The following MAGI3 variants were observed in gnomAD, a reference collection of about 807,000 sequenced individuals.
MAGI3 encodes membrane-associated guanylate kinase, WW and PDZ domain-containing protein 3.
Under a neutral mutation model 121.8 loss-of-function variants are expected in MAGI3, and 43 were observed. The ratio of observed to expected loss-of-function variants is 0.35; its 90% CI spans 0.28 to 0.46. The LOEUF (loss-of-function observed/expected upper bound fraction) is 0.46, where lower values mean the gene tolerates loss of function less well. MAGI3 is among the 20% of genes least tolerant of loss of function. The probability of loss-of-function intolerance (pLI) is 1.00; values close to 1 mark genes in which losing one functional copy is unlikely to be tolerated. For synonymous variants in MAGI3, 553 were observed against 639.3 expected (o/e 0.86, Z 2.04); for missense variants, 1,547 against 1,797.3 (o/e 0.86, Z 2.52).
At chr1:113,420,401 C>G (rs946737021) in intron 1 of MAGI3, among the ~76,000 whole-genome samples, 1 of 152,148 alleles carries the variant, frequency 6.6e-6, no homozygotes, top group African/African-American at 2.4e-5. Flanking sequence ...AAACATAAGG[C>G]CTAAAAGAAA....
intron 2 of MAGI3, among the ~76,000 whole-genome samples, chr1:113,561,572 G>A (rs1175152925): frequency 6.6e-6 from 1 of 151,974 alleles, no homozygotes; most frequent in African/African-American, 2.4e-5. Context: ...AACCCTTCAG[G>A]TTAAAAATTC....
At position 113,391,346 on chromosome 1, in the gene MAGI3, C is replaced by A. The variant is rs1650801335; in HGVS notation, c.313C>A (p.Pro105Thr). The change falls in exon 1 of 21, where the codon CCA (proline) becomes ACA (threonine). Residue 105 changes from proline (P) to threonine (T), a missense_variant. Coordinates refer to ENST00000307546, the MANE Select transcript of MAGI3 (RefSeq NM_001142782.2). This position sits in a 1 kb window ranked among gnomAD's most constrained non-coding sequence, Gnocchi z 4.4. The stretch of plus-strand genomic sequence containing the variant: ...GCCCATCCGTCTCAAGACTGTGAAA[C>A]CAGGTACGCCGGCCCTGCGTATCTG... ...REPIRLKTVK[P>T]GKVINKDLRH... The A allele has an allele frequency of 5.0e-6, 8 of 1,591,286 alleles. No individual in the cohort carries two copies. The highest frequency in any genetic ancestry group is 6.8e-6 in the Non-Finnish European group (8 of 1,169,858).
intron 1 of MAGI3, chr1:113,449,913 T>C (rs1399869091): frequency 6.6e-7 from 1 of 1,519,234 alleles, no homozygotes; most frequent in Non-Finnish European, 9.0e-7. Context: ...TGCAGCAATG[T>C]GTGCTTGACC....
chr1:113,673,261 C>G, intron 18 of MAGI3, 61 bp from the exon 19 acceptor site: 1 of 1,539,300 alleles, frequency 6.5e-7, no homozygotes, highest in East Asian at 2.3e-5. Flanking sequence ...AGTAATCTTT[C>G]TTCAAAATGT....
intron 6 of MAGI3, among the ~76,000 whole-genome samples, chr1:113,602,369 G>A (rs1220372355): frequency 6.6e-6 from 1 of 152,114 alleles, no homozygotes; most frequent in Non-Finnish European, 1.5e-5. Context: ...AGTGATTTTT[G>A]GGTTAAGAAC....
chr1:113,649,420 T>C (rs767307316), intron 13 of MAGI3, 92 bp downstream of exon 13: 1 of 746,732 alleles, frequency 1.3e-6, no homozygotes, highest in East Asian at 2.8e-5. Context: ...AGTTTTTTTT[T>C]CTCTGACAGT....
At chr1:113,605,717 A>G (rs1024107474) in intron 6 of MAGI3, among the ~76,000 whole-genome samples, 18 of 151,768 alleles carry the variant, frequency 1.2e-4, no homozygotes, top group East Asian at 1.9e-4. Flanking sequence ...CTTCTGCCTC[A>G]ACCTCCCAAG....
At chr1:113,631,613 TA>T (rs1293734506) in intron 9 of MAGI3, among the ~76,000 whole-genome samples, 1 of 152,222 alleles carries the variant, frequency 6.6e-6, no homozygotes, top group Non-Finnish European at 1.5e-5. Flanking sequence ...TTTCTTGAAT[TA>T]TAAAGGATAC....
At chr1:113,417,288 T>C (rs928021450) in intron 1 of MAGI3, among the ~76,000 whole-genome samples, 3 of 152,158 alleles carry the variant, frequency 2.0e-5, no homozygotes, top group Non-Finnish European at 4.4e-5. Flanking sequence ...GAGAATGCAA[T>C]TTCACCTTAT....
Position 113,684,138 on chromosome 1 carries a change from C to T in MAGI3, c.*124C>T, listed in dbSNP as rs915986673. On this transcript the variant is annotated 3_prime_UTR_variant, in exon 21 of 21. Coordinates refer to ENST00000307546, the MANE Select transcript of MAGI3 (RefSeq NM_001142782.2). ...GATAAGTACATGTTAATGTGAGCCT[C>T]AAGTTACCTAGGCTGCATGAAGGGC... 2 of 1,107,226 alleles carry T rather than the reference C, an allele frequency of 1.8e-6. No homozygotes were observed. Among genetic ancestry groups the T allele is most frequent in the African/African-American group, 3.2e-5 (2 of 62,170 alleles). The allele number at this position is 1,107,226 out of a possible 1,614,324, so 68.6% of individuals were successfully genotyped here.
chr1:113,464,958 C>T (rs1470956686), intron 1 of MAGI3, among the ~76,000 whole-genome samples: 1 of 151,952 alleles, frequency 6.6e-6, no homozygotes, highest in African/African-American at 2.4e-5. Context: ...TGTCTCTTTG[C>T]TTTGTGGTTG....
At chr1:113,678,434 C>G (rs1453237138) in intron 19 of MAGI3, among the ~76,000 whole-genome samples, 1 of 152,136 alleles carries the variant, frequency 6.6e-6, no homozygotes, top group Non-Finnish European at 1.5e-5. Flanking sequence ...ATCCTGCTGT[C>G]TTACTTTGGT....
chr1:113,488,973 AT>A (rs1656539356), intron 1 of MAGI3, among the ~76,000 whole-genome samples: 1 of 152,122 alleles, frequency 6.6e-6, no homozygotes, highest in Non-Finnish European at 1.5e-5. Flanking sequence ...CTCCAGCTGC[AT>A]TCCCTTCACT....
Position 113,464,140 on chromosome 1 carries a change from T to C in MAGI3, c.316+72791T>C, listed in dbSNP as rs370743030. On this transcript the variant is annotated intron_variant, in intron 1 of 20. Coordinates refer to ENST00000307546, the MANE Select transcript of MAGI3 (RefSeq NM_001142782.2). Reference sequence around the variant, plus strand: ...ATATTTGTACCTATTAATCAACTCCTCTTCATCTCTTCCTTGCCCATATAC... The same window carrying C: ...ATATTTGTACCTATTAATCAACTCCCCTTCATCTCTTCCTTGCCCATATAC... Among the ~76,000 whole-genome samples the C allele has an allele frequency of 3.9e-5, 6 of 152,208 alleles. No individual in the cohort carries two copies. In the East Asian group the frequency reaches 1.2e-3, roughly 29 times the overall value.
chr1:113,438,942 G>A (rs188232591), intron 1 of MAGI3, among the ~76,000 whole-genome samples: 1,537 of 151,772 alleles, frequency 0.01, 29 homozygotes, highest in African/African-American at 0.035. Flanking sequence ...CCCTTGTTAA[G>A]TTGAGAACTT....
At chr1:113,439,308 A>G (rs948890346) in intron 1 of MAGI3, among the ~76,000 whole-genome samples, 1 of 152,236 alleles carries the variant, frequency 6.6e-6, no homozygotes, top group Non-Finnish European at 1.5e-5. Flanking sequence ...TCAGGATAAC[A>G]AACTGGTAAG....
chr1:113,423,259 TGG>T (rs780415816), intron 1 of MAGI3, among the ~76,000 whole-genome samples: 6 of 120,294 alleles, frequency 5.0e-5, no homozygotes, highest in East Asian at 4.7e-4. Flanking sequence ...TTTTTTTTTT[TGG>T]GGGGGGGGTT....
chr1:113,555,796 G>A (rs1467334514), intron 2 of MAGI3, among the ~76,000 whole-genome samples: 3 of 151,866 alleles, frequency 2.0e-5, no homozygotes, highest in East Asian at 1.9e-4. Flanking sequence ...CTAGCTACTC[G>A]AGAGGCTGAG....
chr1:113,608,321 A>G (rs959411789), intron 6 of MAGI3, among the ~76,000 whole-genome samples: 2 of 152,184 alleles, frequency 1.3e-5, no homozygotes, highest in African/African-American at 4.8e-5. Context: ...GCCCTTTTGG[A>G]AATACTTTTC....
Sources: gnomAD v4.1 joint callset for allele counts (sites outside exome capture counted in the v4.1 genomes callset) on GRCh38, gnomAD v4.1.1 for gene constraint, Gnocchi (gnomAD v3.1) non-coding constraint, MANE v1.5 for transcripts, NCBI Gene and HGNC (gene_info 2026-07-23, HGNC 2026-07-21) for gene names.